The following TRDN variants were observed in gnomAD, a reference collection of about 807,000 sequenced individuals.
TRDN encodes triadin, also known as triadin in skeletal muscle.
A neutral mutation model predicts 149.7 loss-of-function variants in TRDN; 161 were observed. The ratio of observed to expected loss-of-function variants is 1.08; its 90% confidence interval spans 0.95 to 1.23. The LOEUF (loss-of-function observed/expected upper bound fraction) is 1.23. Among genes scored for constraint, TRDN ranks in the 50% most tolerant of loss-of-function variants. TRDN has a pLI of 0.00. For synonymous variants in TRDN, 294 were observed against 250.5 expected, an observed-to-expected ratio of 1.17 and a Z score of -1.64; for missense variants, 896 against 823.5, an observed-to-expected ratio of 1.09 and a Z score of -1.08.
At chr6:123,251,150 T>G (rs1361868170) in intron 38 of TRDN, among the ~76,000 whole-genome samples, 1 of 152,138 alleles carries the variant, frequency 6.6e-6, no homozygotes, top group African/African-American at 2.4e-5. Context: ...GGGACAATTT[T>G]GTGTCCTTAC....
rs1776696874 is a variant in TRDN at position 123,259,784 on chromosome 6, T to C, written c.1832-122A>G. 4 of 661,928 alleles carry C rather than the reference T, an allele frequency of 6.0e-6. No homozygotes were observed. The South Asian group carries it at 8.5e-5, about 14-fold the overall frequency. 41.0% of individuals were successfully genotyped at this position (661,928 alleles called of 1,614,324 possible). A position where few individuals can be genotyped will look rare whatever the true frequency, so the allele number is the denominator to read the frequency against. On this transcript the variant is annotated intron_variant, in intron 34 of 40. Coordinates refer to ENST00000334268, the MANE Select transcript of TRDN (RefSeq NM_006073.4). ...ATGAGTGGAGGGAGTCAGGGCTCTC[T>C]CATTTCATTTTTGTTATGCTTGGTC...
At position 123,261,224 on chromosome 6, in the gene TRDN, C is replaced by CACAA. The variant is rs201394174; in HGVS notation, c.1805-587_1805-586insTTGT. Among the ~76,000 whole-genome samples, 1,267 of 151,814 alleles carry CACAA rather than the reference C, an allele frequency of 8.3e-3. 27 individuals carry two copies. The highest frequency in any genetic ancestry group is 0.08 in the East Asian group (413 of 5,168). On this transcript the variant is annotated intron_variant, in intron 33 of 40. Transcript: ENST00000334268. Reference sequence around the variant, plus strand: ...TTAGTTACAAATTATAAATCTGTTACATTTTTAATCTTCATTGATGCATGC... The same window carrying CACAA: ...TTAGTTACAAATTATAAATCTGTTACACAAATTTTTAATCTTCATTGATGCATGC...
intron 9 of TRDN, among the ~76,000 whole-genome samples, chr6:123,488,489 T>C (rs1404147598): frequency 6.6e-6 from 1 of 152,144 alleles, no homozygotes; most frequent in East Asian, 1.9e-4. Flanking sequence ...GGTATCCTTT[T>C]AGTTTTTACA....
At position 123,511,204 on chromosome 6, in the gene TRDN, T is replaced by G. The variant is rs554627221; in HGVS notation, c.610+1099A>C. Among the ~76,000 whole-genome samples, 7 of 152,290 alleles carry G rather than the reference T, an allele frequency of 4.6e-5. No homozygotes were observed. In the South Asian group the frequency reaches 1.4e-3, roughly 32 times the overall value. On this transcript the variant is annotated intron_variant, in intron 7 of 40. Transcript: ENST00000334268. Reference sequence around the variant, plus strand: ...AGTTTCATTCTTCTACATATACAGTTTTCCTAGTAAAATTTATTGAAGAGA... The same window carrying G: ...AGTTTCATTCTTCTACATATACAGTGTTCCTAGTAAAATTTATTGAAGAGA...
chr6:123,361,737 T>C (rs572801888), intron 20 of TRDN, among the ~76,000 whole-genome samples: 169 of 152,320 alleles, frequency 1.1e-3, no homozygotes, highest in Middle Eastern at 3.4e-3. Flanking sequence ...ACAAATCCCA[T>C]GACCATCACC....
chr6:123,498,024 T>C (rs1352173361), intron 8 of TRDN, among the ~76,000 whole-genome samples: 1 of 152,170 alleles, frequency 6.6e-6, no homozygotes, highest in Non-Finnish European at 1.5e-5. Flanking sequence ...TGCACTTAAC[T>C]TTAAATCCTC....
chr6:123,399,632 G>A (rs1035084682), intron 12 of TRDN, among the ~76,000 whole-genome samples: 5 of 152,116 alleles, frequency 3.3e-5, no homozygotes, highest in African/African-American at 1.2e-4. Context: ...GGTCCTAGAT[G>A]TTTTTGCCTA....
At chr6:123,562,468 C>T (rs1399085105) in intron 2 of TRDN, among the ~76,000 whole-genome samples, 1 of 152,190 alleles carries the variant, frequency 6.6e-6, no homozygotes, top group African/African-American at 2.4e-5. Flanking sequence ...TCACCCCTTC[C>T]ATGATGTGAG....
chr6:123,315,017 C>G (rs1778972961), intron 24 of TRDN, among the ~76,000 whole-genome samples: 1 of 151,738 alleles, frequency 6.6e-6, no homozygotes, highest in African/African-American at 2.4e-5. Flanking sequence ...ATTTAAGTAA[C>G]AATAATAAAA....
At chr6:123,495,518 T>C (rs964170608) in intron 9 of TRDN, among the ~76,000 whole-genome samples, 1 of 67,218 alleles carries the variant, frequency 1.5e-5, no homozygotes, top group African/African-American at 4.6e-5. Flanking sequence ...AGGCTCTGTC[T>C]CAAAAAAAAT....
intron 6 of TRDN, among the ~76,000 whole-genome samples, chr6:123,512,956 T>C (rs1462816658): frequency 2.0e-5 from 3 of 152,210 alleles, no homozygotes; most frequent in Non-Finnish European, 4.4e-5. Context: ...CAGCTTTACT[T>C]ACATCATTAA....
chr6:123,261,330 G>A (rs923340507), intron 33 of TRDN, among the ~76,000 whole-genome samples: 1 of 151,734 alleles, frequency 6.6e-6, no homozygotes, highest in African/African-American at 2.4e-5. Flanking sequence ...GTGGTCATGG[G>A]ATGAGATTAA....
At chr6:123,373,663 T>A (rs530918305) in intron 19 of TRDN, among the ~76,000 whole-genome samples, 3 of 152,184 alleles carry the variant, frequency 2.0e-5, no homozygotes, top group Admixed American at 6.6e-5. Flanking sequence ...TTTCTTGGAC[T>A]GACTTTAACC....
At position 123,393,666 on chromosome 6, in the gene TRDN, C is replaced by A. The variant is rs776657049; in HGVS notation, c.1063G>T (p.Ala355Ser). 30 of 1,606,298 alleles carry A rather than the reference C, an allele frequency of 1.9e-5. No individual in the cohort carries two copies. The Admixed American group carries it at 3.0e-4, about 16-fold the overall frequency. Residue 355 changes from alanine (A) to serine (S), a missense_variant, in exon 13 of 41, where the codon GCT (alanine) becomes TCT (serine). Transcript: ENST00000334268. ...ACAGTCCCTTGTTTGGTTTCAGAAG[C>A]TTTTCCCGGCTCTTGGAATGAAAAA... ...IDVEKKEPGK[A>S]SETKQGTVKI...
chr6:123,266,398 G>T, intron 32 of TRDN, among the ~76,000 whole-genome samples: 2 of 104,924 alleles, frequency 1.9e-5, no homozygotes, highest in African/African-American at 4.2e-5. Flanking sequence ...ATTATGATAT[G>T]TATTATATAT....
intron 24 of TRDN, among the ~76,000 whole-genome samples, chr6:123,306,816 A>G (rs758125497): frequency 6.6e-6 from 1 of 152,078 alleles, no homozygotes; most frequent in Non-Finnish European, 1.5e-5. Flanking sequence ...AAAACATGAA[A>G]TTTAGAAAAT....
In TRDN at chr6:123,265,386, T is replaced by A. The variant is rs1334772282; in HGVS notation, c.1784-48A>T. 4 of 1,265,898 alleles carry A rather than the reference T, an allele frequency of 3.2e-6. No individual in the cohort carries two copies. In the East Asian group the frequency reaches 8.2e-5, roughly 26 times the overall value. The allele number at this position is 1,265,898 out of a possible 1,614,324, so 78.4% of individuals were successfully genotyped here. A position where few individuals can be genotyped will look rare whatever the true frequency, so the allele number is the denominator to read the frequency against. On this transcript the variant is annotated intron_variant, in intron 32 of 40. Coordinates refer to ENST00000334268, the MANE Select transcript of TRDN (RefSeq NM_006073.4). The stretch of plus-strand genomic sequence containing the variant: ...AAAGAAAATGAGTGATAATTTTCTA[T>A]CTATGGGTGACATATCAGCCCTTTA...
chr6:123,598,926 G>A (rs1784156260), intron 1 of TRDN, among the ~76,000 whole-genome samples: 1 of 152,038 alleles, frequency 6.6e-6, no homozygotes, highest in East Asian at 1.9e-4. Flanking sequence ...AGAGGCATAT[G>A]GCACAGGAAA....
chr6:123,323,662 C>T (rs1057285345), intron 23 of TRDN, among the ~76,000 whole-genome samples: 1 of 152,162 alleles, frequency 6.6e-6, no homozygotes, highest in Non-Finnish European at 1.5e-5. Flanking sequence ...GCTGAGTGGA[C>T]ATTAAACACA....
Sources: gnomAD v4.1 joint callset for allele counts (sites outside exome capture counted in the v4.1 genomes callset) on GRCh38, gnomAD v4.1.1 for gene constraint, MANE v1.5 for transcripts, NCBI Gene and HGNC (gene_info 2026-07-23, HGNC 2026-07-21) for gene names.